Variants in HLA-DRA observed in about 807,000 individuals in gnomAD.
HLA-DRA encodes HLA class II histocompatibility antigen, DR alpha chain.
A neutral mutation model predicts 22.1 loss-of-function variants in HLA-DRA; 8 were observed. The observed-to-expected ratio is 0.36, with a 90% CI of 0.21 to 0.65. HLA-DRA has a LOEUF of 0.65. HLA-DRA is among the 30% of genes least tolerant of loss of function. The pLI is 0.63. For missense variants in HLA-DRA, 248 were observed against 321.3 expected (o/e 0.77, Z 1.74); for synonymous variants, 101 against 117.1 (o/e 0.86, Z 0.89).
intron 2 of HLA-DRA, 139 bp downstream of exon 2, chr6:32,442,832 A>C: frequency 5.6e-5 from 57 of 1,019,026 alleles, no homozygotes; most frequent in Non-Finnish European, 7.7e-5. Context: ...CCAAATTCTC[A>C]TGCCAGAGGT....
Position 32,444,698 on chromosome 6 carries a change from T to TACA in HLA-DRA, c.*59_*60insCAA. ...AAGATCACTGAAGAAACTTCTGCTT[T>TACA]AATGGCTTTACAAAGCTGGCAATAT... On this transcript the variant is annotated 3_prime_UTR_variant, in exon 5 of 5. Transcript: ENST00000395388. 1 of 152,298 alleles carries TACA rather than the reference T, an allele frequency of 6.6e-6. No homozygotes were observed. Among genetic ancestry groups the TACA allele is most frequent in the South Asian group, 2.1e-4 (1 of 4,820 alleles). The allele number at this position is 152,298 out of a possible 1,614,324, so 9.4% of individuals were successfully genotyped here.
intron 2 of HLA-DRA, 26 bp downstream of exon 2, chr6:32,442,719 G>A: frequency 6.2e-7 from 1 of 1,609,996 alleles, no homozygotes; most frequent in Non-Finnish European, 8.5e-7. Context: ...CTGCACTCCT[G>A]GACATGGGAA....
intron 1 of HLA-DRA, 111 bp from the exon 2 acceptor site, chr6:32,442,337 C>G (rs761386467): frequency 1.3e-5 from 17 of 1,294,278 alleles, no homozygotes; most frequent in Non-Finnish European, 1.9e-5. Context: ...TCTTTCATTC[C>G]TCTTGGCCCA....
chr6:32,443,393 G>A lies in HLA-DRA; in HGVS notation c.537G>A (p.Leu179=). The part of the protein sequence containing the change: ...LFRKFHYLPF[L]PSTEDVYDCR... ...GCAAGTTCCACTATCTCCCCTTCCT[G>A]CCCTCAACTGAGGACGTTTACGACT... Residue 179 remains leucine (L), a synonymous_variant, in exon 3 of 5, where the codon CTG becomes CTA. Coordinates refer to ENST00000395388, the MANE Select transcript of HLA-DRA (RefSeq NM_019111.5). 1.9e-6 allele frequency: 3 copies of A among 1,612,952 alleles called. No individual in the cohort carries two copies. Among genetic ancestry groups the A allele is most frequent in the Non-Finnish European group, 2.5e-6 (3 of 1,179,948 alleles).
intron 1 of HLA-DRA, 62 bp downstream of exon 1, chr6:32,440,094 T>A: frequency 7.5e-7 from 1 of 1,335,226 alleles, no homozygotes; most frequent in Non-Finnish European, 1.1e-6. Flanking sequence ...AAAAGACCTA[T>A]GGACATTTGG....
At chr6:32,442,313 C>T in intron 1 of HLA-DRA, 135 bp from the exon 2 acceptor site, 7 of 1,055,388 alleles carry the variant, frequency 6.6e-6, no homozygotes, top group Admixed American at 1.9e-5. Context: ...TCACTCATCC[C>T]TACTCGCCAT....
rs760911515 is a variant in HLA-DRA at position 32,442,489 on chromosome 6, G to A, written c.124G>A (p.Asp42Asn). The change falls in exon 2 of 5, where the codon GAC becomes AAC. Residue 42 changes from aspartate (D) to asparagine (N), a missense_variant. Transcript: ENST00000395388. ...IIQAEFYLNP[D>N]QSGEFMFDFD... ...CCAGGCCGAGTTCTATCTGAATCCT[G>A]ACCAATCAGGCGAGTTTATGTTTGA... The A allele has an allele frequency of 6.2e-7, 1 of 1,613,046 alleles. No individual in the cohort carries two copies. Among genetic ancestry groups the A allele is most frequent in the South Asian group, 1.1e-5 (1 of 91,068 alleles).
rs1041885 is a variant in HLA-DRA, at chr6:32,445,032, T to A, written c.*392T>A. 23,054 of 152,962 alleles carry A rather than the reference T, an allele frequency of 0.15. 1,879 individuals are homozygous for A. Among genetic ancestry groups the A allele is most frequent in the Non-Finnish European group, 0.18 (12,158 of 67,878 alleles). 9.5% of individuals were successfully genotyped at this position (152,962 alleles called of 1,614,324 possible). A position where few individuals can be genotyped will look rare whatever the true frequency, so the allele number is the denominator to read the frequency against. ...TTCTGAACACAATAAACTATTTTGATGATCTTGGGTGGAATTTTTGGTGTT... is the reference window on the plus strand; with the variant it reads ...TTCTGAACACAATAAACTATTTTGAAGATCTTGGGTGGAATTTTTGGTGTT... On this transcript the variant is annotated 3_prime_UTR_variant, in exon 5 of 5. Transcript: ENST00000395388.
In HLA-DRA at chr6:32,442,666, C is replaced by A. The variant is rs201781094; in HGVS notation, c.301C>A (p.Arg101Ser). ...DKANLEIMTK[R>S]SNYTPITNVP... The stretch of plus-strand genomic sequence containing the variant: ...AGCCAACCTGGAAATCATGACAAAG[C>A]GCTCCAACTATACTCCGATCACCAA... Residue 101 changes from arginine (R) to serine (S), a missense_variant, in exon 2 of 5, where the codon CGC becomes AGC. Arg to Ser is a moderately radical substitution (Grantham distance 110). Coordinates refer to ENST00000395388, the MANE Select transcript of HLA-DRA (RefSeq NM_019111.5). 1.6e-4 allele frequency: 262 copies of A among 1,612,908 alleles called. No homozygotes were observed. The highest frequency in any genetic ancestry group is 8.6e-5 in the Non-Finnish European group (102 of 1,180,036).
chr6:32,444,264 T>C (rs1318811738), intron 4 of HLA-DRA, among the ~76,000 whole-genome samples: 2 of 151,962 alleles, frequency 1.3e-5, no homozygotes, highest in Non-Finnish European at 2.9e-5. Flanking sequence ...AGTCTAGGGA[T>C]CTAGAAAAAT....
chr6:32,444,165 C>G (rs1387356463), intron 4 of HLA-DRA, among the ~76,000 whole-genome samples: 1 of 151,958 alleles, frequency 6.6e-6, no homozygotes, highest in Admixed American at 6.6e-5. Context: ...ATCTCCAGTA[C>G]CTAAAACCAT....
chr6:32,442,560 G>T lies in HLA-DRA; in HGVS notation c.195G>T (p.Glu65Asp). Residue 65 changes from glutamate (E) to aspartate (D), a missense_variant, in exon 2 of 5, where the codon GAG becomes GAT. Transcript: ENST00000395388. ...TCCATGTGGATATGGCAAAGAAGGAGACGGTCTGGCGGCTTGAAGAATTTG... is the reference window on the plus strand; with the variant it reads ...TCCATGTGGATATGGCAAAGAAGGATACGGTCTGGCGGCTTGAAGAATTTG... ...EIFHVDMAKK[E>D]TVWRLEEFGR... 2 of 1,613,098 alleles carry T rather than the reference G, an allele frequency of 1.2e-6. No homozygotes were observed. Among genetic ancestry groups the T allele is most frequent in the Non-Finnish European group, 1.7e-6 (2 of 1,180,038 alleles).
At position 32,442,577 on chromosome 6, in the gene HLA-DRA, A is replaced by C. The variant is rs375252283; in HGVS notation, c.212A>C (p.Glu71Ala). 19 of 1,613,050 alleles carry C rather than the reference A, an allele frequency of 1.2e-5. No homozygotes were observed. The highest frequency in any genetic ancestry group is 1.5e-5 in the Non-Finnish European group (18 of 1,180,016). Residue 71 changes from glutamate to alanine, a missense_variant, in exon 2 of 5, where the codon GAA becomes GCA. Transcript: ENST00000395388. Reference sequence around the variant, plus strand: ...AAGAAGGAGACGGTCTGGCGGCTTGAAGAATTTGGACGATTTGCCAGCTTT... The same window carrying C: ...AAGAAGGAGACGGTCTGGCGGCTTGCAGAATTTGGACGATTTGCCAGCTTT... ...MAKKETVWRL[E>A]EFGRFASFEA...
intron 1 of HLA-DRA, among the ~76,000 whole-genome samples, chr6:32,440,564 A>C (rs545146412): frequency 6.6e-6 from 1 of 152,354 alleles, no homozygotes; most frequent in South Asian, 2.1e-4. Flanking sequence ...AAGTCATCAA[A>C]AAGCAACAAT....
Position 32,440,044 on chromosome 6 carries a change from G to C in HLA-DRA, c.82+12G>C. ...ATGGGCTATCAAAGGTAGGTGCTGA[G>C]GGAATGAAATCTGGGACGATAGACT... is the stretch of plus-strand genomic sequence containing the variant. On this transcript the variant is annotated intron_variant, in intron 1 of 4. Transcript: ENST00000395388. 1.2e-6 allele frequency: 2 copies of C among 1,610,102 alleles called. No individual in the cohort carries two copies. The highest frequency in any genetic ancestry group is 2.2e-5 in the South Asian group (2 of 91,008).
chr6:32,443,624 C>A lies in HLA-DRA; in HGVS notation c.611-132C>A. 8.8e-6 allele frequency: 10 copies of A among 1,132,156 alleles called. No individual in the cohort carries two copies. In the South Asian group the frequency reaches 1.4e-4, roughly 16 times the overall value. 70.1% of individuals were successfully genotyped at this position (1,132,156 alleles called of 1,614,324 possible). On this transcript the variant is annotated intron_variant, in intron 3 of 4. Transcript: ENST00000395388. ...TCCTTTTTTTAATCTGTAATTCTCT[C>A]AATACATCATTCTGTCTTCCTCTTC...
At chr6:32,444,431 C>T (rs1762804844) in intron 4 of HLA-DRA, among the ~76,000 whole-genome samples, 1 of 151,988 alleles carries the variant, frequency 6.6e-6, no homozygotes, top group East Asian at 1.9e-4. Context: ...CTTCTTTAGT[C>T]TCAAATGTAG....
At chr6:32,444,062 A>G in intron 4 of HLA-DRA, 141 bp downstream of exon 4, 1 of 547,060 alleles carries the variant, frequency 1.8e-6, no homozygotes, top group Non-Finnish European at 2.9e-6. Context: ...AGAACGAATC[A>G]GACATTCGTA....
At chr6:32,441,682 G>A (rs1234411551) in intron 1 of HLA-DRA, among the ~76,000 whole-genome samples, 1 of 152,172 alleles carries the variant, frequency 6.6e-6, no homozygotes, top group East Asian at 1.9e-4. Context: ...GACGCTACAA[G>A]GTCTCAGTCT....
Sources: allele counts gnomAD v4.1 joint callset (sites outside exome capture counted in the v4.1 genomes callset), GRCh38; gene constraint gnomAD v4.1.1; transcripts MANE v1.5; gene names NCBI Gene and HGNC (gene_info 2026-07-23, HGNC 2026-07-21).